Variants in TET1 observed in about 807,000 individuals in gnomAD.
The protein encoded by TET1 is tet methylcytosine dioxygenase 1.
TET1 carries 13 observed loss-of-function variants against 148.7 expected under a neutral mutation model. That is an observed-to-expected ratio of 0.09 (90% CI 0.06 to 0.14). The LOEUF (loss-of-function observed/expected upper bound fraction) is 0.14. Ranked by LOEUF, TET1 falls within the 10% of genes least tolerant of loss-of-function variation. The pLI is 1.00. For synonymous variants in TET1, 907 were observed against 937.2 expected (o/e 0.97, Z 0.59); for missense variants, 2,182 against 2,553.8 (o/e 0.85, Z 3.14).
chr10:68,650,812 A>C (rs908399840), intron 4 of TET1, among the ~76,000 whole-genome samples: 2 of 152,196 alleles, frequency 1.3e-5, no homozygotes, highest in Non-Finnish European at 2.9e-5. Context: ...AGTTAAAAAT[A>C]GCATTTTTTA....
At chr10:68,608,209 T>G (rs1379118723) in intron 3 of TET1, among the ~76,000 whole-genome samples, 2 of 152,016 alleles carry the variant, frequency 1.3e-5, no homozygotes, top group Non-Finnish European at 2.9e-5. Flanking sequence ...ATTATAGGCA[T>G]GAGCCACCGT....
rs1487135906 is a variant in TET1, at chr10:68,692,649, ATAGT to A, written c.*839_*842del. ...GTATTAGCAACTTGCAGTATATAAA[ATAGT>A]TAGATAATGAGAAGTTGTTAATTAT... On this transcript the variant is annotated 3_prime_UTR_variant, in exon 12 of 12. Coordinates refer to ENST00000373644, the MANE Select transcript of TET1 (RefSeq NM_030625.3). The A allele has an allele frequency of 3.4e-5, 8 of 231,896 alleles. No homozygotes were observed. The highest frequency in any genetic ancestry group is 8.8e-5 in the African/African-American group (4 of 45,284). The allele number at this position is 231,896 out of a possible 1,614,324, so 14.4% of individuals were successfully genotyped here. A position where few individuals can be genotyped will look rare whatever the true frequency, so the allele number is the denominator to read the frequency against.
intron 2 of TET1, among the ~76,000 whole-genome samples, chr10:68,582,099 T>C (rs1471418259): frequency 1.2e-5 from 1 of 83,280 alleles, no homozygotes; most frequent in South Asian, 4.1e-4. Context: ...GATGACACTA[T>C]TTTTTTTTTT....
rs1013568175 is a variant in TET1 at position 68,560,543 on chromosome 10, C to T, written c.-322C>T. On this transcript the variant is annotated 5_prime_UTR_variant, in exon 1 of 12. Transcript: ENST00000373644. ...CACTGTGGACCTTTGGGAACCGACT[C>T]CTCACCTCGGGGGCTCGGGCCTTGA... 1 of 152,332 alleles carries T rather than the reference C, an allele frequency of 6.6e-6. No homozygotes were observed. The highest frequency in any genetic ancestry group is 1.5e-5 in the Non-Finnish European group (1 of 68,110). The allele number at this position is 152,332 out of a possible 1,614,324, so 9.4% of individuals were successfully genotyped here. A position where few individuals can be genotyped will look rare whatever the true frequency, so the allele number is the denominator to read the frequency against.
chr10:68,662,765 C>T (rs1463195287), intron 6 of TET1, among the ~76,000 whole-genome samples: 4 of 152,094 alleles, frequency 2.6e-5, no homozygotes, highest in East Asian at 1.9e-4. Flanking sequence ...TAGCCAAGCA[C>T]GGTGGCAAGC....
Position 68,646,547 on chromosome 10 carries a change from A to G in TET1, c.3818A>G (p.Asn1273Ser), listed in dbSNP as rs758583829. 2.8e-5 allele frequency: 46 copies of G among 1,614,068 alleles called. No homozygotes were observed. Among genetic ancestry groups the G allele is most frequent in the Admixed American group, 6.7e-5 (4 of 59,988 alleles). ...LSLFHLKTESNGKAFTDKAYN... is the reference protein window; with the variant it reads ...LSLFHLKTESSGKAFTDKAYN... ...TTATTTCATCTTAAAACGGAATCCA[A>G]CGGGAAGGCATTCACTGATAAAGCT... Residue 1273 changes from asparagine to serine, a missense_variant, in exon 4 of 12, where the codon AAC becomes AGC. Coordinates refer to ENST00000373644, the MANE Select transcript of TET1 (RefSeq NM_030625.3).
At chr10:68,637,912 T>A (rs575420369) in intron 3 of TET1, among the ~76,000 whole-genome samples, 28 of 152,008 alleles carry the variant, frequency 1.8e-4, no homozygotes, top group African/African-American at 5.8e-4. Context: ...CCAAAGTAGC[T>A]GGGATTACAG....
intron 6 of TET1, among the ~76,000 whole-genome samples, chr10:68,654,355 C>A (rs1213387386): frequency 6.6e-6 from 1 of 152,058 alleles, no homozygotes; most frequent in Non-Finnish European, 1.5e-5. Flanking sequence ...GTGGCTCACG[C>A]CTGTAATCCC....
intron 3 of TET1, among the ~76,000 whole-genome samples, chr10:68,638,880 C>A (rs1266552961): frequency 1.3e-5 from 2 of 150,258 alleles, no homozygotes; most frequent in African/African-American, 4.9e-5. Context: ...CACATTGCTC[C>A]TTTAGACTGG....
At chr10:68,575,574 C>T (rs1049355031) in intron 2 of TET1, among the ~76,000 whole-genome samples, 3 of 151,428 alleles carry the variant, frequency 2.0e-5, no homozygotes, top group Non-Finnish European at 4.4e-5. Context: ...TAGTGGTGCA[C>T]ACTGGTAGTC....
intron 6 of TET1, among the ~76,000 whole-genome samples, chr10:68,661,880 C>CTTTTTTT: frequency 9.0e-6 from 1 of 111,126 alleles, no homozygotes; most frequent in South Asian, 2.8e-4. Context: ...AATTTTTTTT[C>CTTTTTTT]TTTTTTTTTT....
intron 6 of TET1, among the ~76,000 whole-genome samples, chr10:68,659,608 C>T (rs969224465): frequency 1.1e-4 from 16 of 152,136 alleles, no homozygotes; most frequent in African/African-American, 2.7e-4. Flanking sequence ...CATGAGCCAC[C>T]GCGCCCGGCC....
intron 8 of TET1, 102 bp from the exon 9 acceptor site, chr10:68,681,297 A>C: frequency 7.6e-6 from 5 of 657,532 alleles, no homozygotes; most frequent in African/African-American, 3.7e-5. Context: ...ATAAGTATGA[A>C]TTGTGCATTA....
At chr10:68,618,487 A>G (rs1013990546) in intron 3 of TET1, among the ~76,000 whole-genome samples, 6 of 152,346 alleles carry the variant, frequency 3.9e-5, no homozygotes, top group African/African-American at 1.4e-4. Context: ...AAAGAAGCCC[A>G]ATGCTGAAAG....
At chr10:68,660,978 AT>A (rs1182168053) in intron 6 of TET1, among the ~76,000 whole-genome samples, 2 of 149,920 alleles carry the variant, frequency 1.3e-5, no homozygotes, top group Non-Finnish European at 3.0e-5. Context: ...AAACCTTAAA[AT>A]TTTTTTTAAT....
At chr10:68,611,574 C>T (rs1450627320) in intron 3 of TET1, among the ~76,000 whole-genome samples, 4 of 152,040 alleles carry the variant, frequency 2.6e-5, no homozygotes, top group African/African-American at 9.7e-5. Flanking sequence ...ATCATTTGAG[C>T]TTGGGAGTTC....
At chr10:68,655,697 T>C (rs12259421) in intron 6 of TET1, among the ~76,000 whole-genome samples, 26,372 of 152,218 alleles carry the variant, frequency 0.17, 2,750 homozygotes, top group African/African-American at 0.28. Flanking sequence ...CAAATATAAA[T>C]GCTGTAGCTT....
intron 8 of TET1, among the ~76,000 whole-genome samples, chr10:68,676,249 TATATATATATATATATA>T (rs1443281978): frequency 0.027 from 720 of 26,824 alleles, 30 homozygotes; most frequent in Non-Finnish European, 0.034. Flanking sequence ...TATATATATA[TATATATATATATATATA>T]TATTTTTTTT....
chr10:68,683,588 A>AT (rs2055468301), intron 10 of TET1, among the ~76,000 whole-genome samples: 1 of 151,886 alleles, frequency 6.6e-6, no homozygotes, highest in Middle Eastern at 3.2e-3. Context: ...AATTTTTTGT[A>AT]TTTTTAGTAG....
Sources: allele counts gnomAD v4.1 joint callset (sites outside exome capture counted in the v4.1 genomes callset), GRCh38; gene constraint gnomAD v4.1.1; transcripts MANE v1.5; gene names NCBI Gene and HGNC (gene_info 2026-07-23, HGNC 2026-07-21).